Variants in ZC4H2 observed in about 807,000 individuals in gnomAD.
ZC4H2 encodes zinc finger C4H2 domain-containing protein.
For missense variants in ZC4H2, 137 were observed against 173.9 expected, an observed-to-expected ratio of 0.79 and a Z score of 1.19; for synonymous variants, 84 against 66.3, an observed-to-expected ratio of 1.27 and a Z score of -1.30.
intron 1 of ZC4H2, among the ~76,000 whole-genome samples, chrX:64,950,646 T>C (rs1285258475): frequency 9.0e-6 from 1 of 110,790 alleles, no homozygotes; most frequent in African/African-American, 3.3e-5. Flanking sequence ...TTAAAGTCTG[T>C]TTTATCAGAG....
rs144977760 is a variant in ZC4H2 at position 64,942,074 on chromosome X, G to T, written c.54-20086C>A. Among the ~76,000 whole-genome samples the T allele has an allele frequency of 6.8e-3, 762 of 111,585 alleles. 1 individual carries two copies. Among genetic ancestry groups the T allele is most frequent in the Middle Eastern group, 0.028 (6 of 213 alleles). On this transcript the variant is annotated intron_variant, in intron 1 of 4. Coordinates refer to ENST00000374839, the MANE Select transcript of ZC4H2 (RefSeq NM_018684.4). ...AATTATTGCCTCATTTTCAGAAGTT[G>T]TTATTGGTGTAATTAGGGATTCAAC...
At chrX:64,919,741 T>C (rs769360173) in intron 3 of ZC4H2, 2 of 192,979 alleles carry the variant, frequency 1.0e-5, no homozygotes, top group African/African-American at 2.9e-5. Context: ...TATCGCCTTC[T>C]AGACCCTGAC....
At chrX:65,000,726 T>A (rs1932519209) in intron 1 of ZC4H2, among the ~76,000 whole-genome samples, 1 of 111,472 alleles carries the variant, frequency 9.0e-6, no homozygotes, top group Non-Finnish European at 1.9e-5. Flanking sequence ...AATAACCAGT[T>A]TAGAGAAGAA....
At chrX:64,992,798 G>T in intron 1 of ZC4H2, among the ~76,000 whole-genome samples, 1 of 111,489 alleles carries the variant, frequency 9.0e-6, no homozygotes, top group Admixed American at 9.5e-5. Flanking sequence ...TTTACCGTCT[G>T]CTAACACCCT....
intron 1 of ZC4H2, among the ~76,000 whole-genome samples, chrX:64,940,211 T>C: frequency 8.9e-6 from 1 of 112,131 alleles, no homozygotes; most frequent in Middle Eastern, 4.6e-3. Context: ...TGTCTTCTTC[T>C]GAGAATTGTC....
At chrX:64,941,259 T>C (rs1930269892) in intron 1 of ZC4H2, among the ~76,000 whole-genome samples, 1 of 112,383 alleles carries the variant, frequency 8.9e-6, no homozygotes, top group South Asian at 3.7e-4. Context: ...CCTGAGACTT[T>C]GCTAAAGTTG....
In ZC4H2 at chrX:64,918,020, G is replaced by T. The variant is rs1008432653; in HGVS notation, c.562-124C>A. On this transcript the variant is annotated intron_variant, in intron 4 of 4. Coordinates refer to ENST00000374839, the MANE Select transcript of ZC4H2 (RefSeq NM_018684.4). The stretch of plus-strand genomic sequence containing the variant: ...TCCCATCAGAAGAGAGCAATAATCA[G>T]TGAGTAGACTCAAGTATTCTTGGAT... The T allele has an allele frequency of 6.3e-6, 5 of 790,625 alleles. No homozygotes were observed. The Admixed American group carries it at 1.7e-4, about 28-fold the overall frequency. 65.2% of individuals were successfully genotyped at this position (790,625 alleles called of 1,213,427 possible).
At chrX:65,032,726 CTTCT>C (rs1329514772) in intron 1 of ZC4H2, among the ~76,000 whole-genome samples, 30 of 92,986 alleles carry the variant, frequency 3.2e-4, no homozygotes, top group Admixed American at 9.8e-4. Flanking sequence ...TCTAATGTTT[CTTCT>C]TTCTTTCCTT....
intron 1 of ZC4H2, among the ~76,000 whole-genome samples, chrX:64,996,360 C>A (rs1190173040): frequency 9.1e-6 from 1 of 109,995 alleles, no homozygotes; most frequent in Non-Finnish European, 1.9e-5. Context: ...AAAACCCACC[C>A]AACTCTGAGA....
At chrX:65,002,412 C>G (rs79715927) in intron 1 of ZC4H2, among the ~76,000 whole-genome samples, 3 of 108,238 alleles carry the variant, frequency 2.8e-5, no homozygotes, top group Non-Finnish European at 3.9e-5. Context: ...GGTCAGCCCC[C>G]GCCCGGCCAG....
chrX:65,022,273 T>C (rs970241075), intron 1 of ZC4H2, among the ~76,000 whole-genome samples: 2 of 111,846 alleles, frequency 1.8e-5, no homozygotes, highest in Non-Finnish European at 3.8e-5. Flanking sequence ...GCGAAAATCC[T>C]CAATAAGATA....
chrX:64,925,199 T>G (rs1323712651), intron 1 of ZC4H2, among the ~76,000 whole-genome samples: 1 of 111,603 alleles, frequency 9.0e-6, no homozygotes, highest in East Asian at 2.8e-4. Context: ...AGGGTTTGTG[T>G]GTGTGCACAT....
chrX:64,949,272 A>C (rs894269189), intron 1 of ZC4H2, among the ~76,000 whole-genome samples: 2 of 112,152 alleles, frequency 1.8e-5, no homozygotes, highest in Non-Finnish European at 3.8e-5. Context: ...ACTACCAAAA[A>C]AGAAGGGAAA....
chrX:65,020,396 A>G (rs948939805), intron 1 of ZC4H2, among the ~76,000 whole-genome samples: 1 of 112,117 alleles, frequency 8.9e-6, no homozygotes, highest in African/African-American at 3.2e-5. Context: ...ATTATTAAAG[A>G]AAAGAATTTT....
intron 1 of ZC4H2, among the ~76,000 whole-genome samples, chrX:65,028,665 G>T (rs545907203): frequency 1.8e-5 from 2 of 110,246 alleles, no homozygotes; most frequent in Middle Eastern, 9.3e-3. Context: ...CTGAATAGTT[G>T]GGACCACAGA....
intron 1 of ZC4H2, among the ~76,000 whole-genome samples, chrX:64,944,329 G>C (rs187819027): frequency 9.2e-6 from 1 of 108,209 alleles, no homozygotes; most frequent in African/African-American, 3.4e-5. Context: ...TTTTTTAGTA[G>C]AGACGGGGTT....
In ZC4H2 at chrX:64,925,981, G is replaced by T. The variant is rs1004621986; in HGVS notation, c.54-3993C>A. On this transcript the variant is annotated intron_variant, in intron 1 of 4. Transcript: ENST00000374839. Reference sequence around the variant, plus strand: ...AAGACCCTGACTAAAGGGCAGAAGGGCCAAAACTCCTTGTTAGGAGAGGGA... The same window carrying T: ...AAGACCCTGACTAAAGGGCAGAAGGTCCAAAACTCCTTGTTAGGAGAGGGA... Among the ~76,000 whole-genome samples, 8 of 112,135 alleles carry T rather than the reference G, an allele frequency of 7.1e-5. 1 individual carries two copies. Among genetic ancestry groups the T allele is most frequent in the African/African-American group, 2.3e-4 (7 of 30,843 alleles).
At chrX:64,945,857 C>T (rs762523070) in intron 1 of ZC4H2, among the ~76,000 whole-genome samples, 8 of 111,132 alleles carry the variant, frequency 7.2e-5, no homozygotes, top group Non-Finnish European at 1.3e-4. Context: ...GTCAGAACTT[C>T]CTGGTGGCTT....
intron 1 of ZC4H2, among the ~76,000 whole-genome samples, chrX:65,032,894 C>T (rs901278624): frequency 3.6e-4 from 40 of 110,914 alleles, no homozygotes; most frequent in Admixed American, 3.0e-3. Context: ...CTACTGCCCC[C>T]GCCTCCCAAG....
Sources: gnomAD v4.1 joint callset for allele counts (sites outside exome capture counted in the v4.1 genomes callset) on GRCh38, gnomAD v4.1.1 for gene constraint, MANE v1.5 for transcripts, NCBI Gene and HGNC (gene_info 2026-07-23, HGNC 2026-07-21) for gene names.